WDR25: variants seen among roughly 807,000 people sequenced by gnomAD.
WDR25 encodes WD repeat-containing protein 25.
In WDR25, 35 loss-of-function variants were observed where a neutral mutation model predicts 47.7. The observed-to-expected ratio is 0.73, with a 90% CI of 0.56 to 0.97. WDR25 has a LOEUF of 0.97. WDR25 is among the 50% of genes least tolerant of loss of function. The pLI is 0.00. For synonymous variants in WDR25, 248 were observed against 278.9 expected (o/e 0.89, Z 1.10); for missense variants, 634 against 704.7 (o/e 0.90, Z 1.14).
intron 4 of WDR25, among the ~76,000 whole-genome samples, chr14:100,515,745 CA>C (rs1444305759): frequency 6.6e-6 from 1 of 151,174 alleles, no homozygotes; most frequent in East Asian, 1.9e-4. Context: ...TTTGCCTCAG[CA>C]TCCTTAGTAG....
At chr14:100,427,175 G>C (rs1445803591) in intron 2 of WDR25, among the ~76,000 whole-genome samples, 3 of 152,000 alleles carry the variant, frequency 2.0e-5, no homozygotes, top group Non-Finnish European at 4.4e-5. Flanking sequence ...GCCTTCACCT[G>C]TGCCTGTCCT....
intron 2 of WDR25, among the ~76,000 whole-genome samples, chr14:100,467,070 G>A (rs1899655096): frequency 6.6e-6 from 1 of 152,198 alleles, no homozygotes; most frequent in Non-Finnish European, 1.5e-5. Flanking sequence ...TTTCTCTCAT[G>A]AGCCTCATAC....
chr14:100,419,084 T>C (rs1010932272), intron 2 of WDR25, among the ~76,000 whole-genome samples: 1 of 151,978 alleles, frequency 6.6e-6, no homozygotes, highest in African/African-American at 2.4e-5. Flanking sequence ...TAGCTAGGTG[T>C]GGTGGTGCAC....
At chr14:100,477,534 C>T (rs1296804781) in intron 3 of WDR25, among the ~76,000 whole-genome samples, 1 of 151,886 alleles carries the variant, frequency 6.6e-6, no homozygotes, top group African/African-American at 2.4e-5. Context: ...AACAGCTAAC[C>T]ATTGCGCTGA....
At chr14:100,459,926 A>G (rs1186077687) in intron 2 of WDR25, among the ~76,000 whole-genome samples, 66 of 111,184 alleles carry the variant, frequency 5.9e-4, no homozygotes, top group Non-Finnish European at 2.6e-4. Flanking sequence ...ATATATATAT[A>G]TATATATATA....
chr14:100,466,198 T>G (rs1899623423), intron 2 of WDR25, among the ~76,000 whole-genome samples: 1 of 152,210 alleles, frequency 6.6e-6, no homozygotes, highest in Admixed American at 6.5e-5. Flanking sequence ...TTCTTGATTT[T>G]TTCAGTTTGA....
chr14:100,420,722 A>G (rs548694255), intron 2 of WDR25, among the ~76,000 whole-genome samples: 4 of 152,228 alleles, frequency 2.6e-5, no homozygotes, highest in Non-Finnish European at 5.9e-5. Context: ...TGTGGTGTTC[A>G]CCACTGTATT....
At chr14:100,437,524 C>T (rs1190698446) in intron 2 of WDR25, among the ~76,000 whole-genome samples, 1 of 152,166 alleles carries the variant, frequency 6.6e-6, no homozygotes, top group Non-Finnish European at 1.5e-5. Flanking sequence ...TAACTTCTGG[C>T]AGCCTTGATT....
rs756255565 is a variant in WDR25, at chr14:100,382,151, G to A, written c.822+405G>A. On this transcript the variant is annotated intron_variant, in intron 2 of 6. Transcript: ENST00000402312. ...GCTGGTTTCAAGGGCTGTTGGGAGA[G>A]GTAGGTAGACCCAGCCCCTGGTGTC... 2.6e-5 allele frequency: 18 copies of A among 702,964 alleles called. 1 individual carries two copies. The highest frequency in any genetic ancestry group is 4.2e-5 in the Non-Finnish European group (16 of 384,994). The allele number at this position is 702,964 out of a possible 1,614,324, so 43.5% of individuals were successfully genotyped here.
intron 4 of WDR25, among the ~76,000 whole-genome samples, chr14:100,514,923 G>A (rs1285801782): frequency 6.6e-6 from 1 of 151,774 alleles, no homozygotes; most frequent in Admixed American, 6.6e-5. Context: ...GCTTTTATTT[G>A]CCCAAAAAAA....
At position 100,465,726 on chromosome 14, in the gene WDR25, A is replaced by G. The variant is rs572499497; in HGVS notation, c.823-2295A>G. ...TCAGCTTTTTGGGCATTTACCCAGA[A>G]GTGGAATGGCTGGATCATGTCATAA... is the stretch of plus-strand genomic sequence containing the variant. On this transcript the variant is annotated intron_variant, in intron 2 of 6. Transcript: ENST00000402312. Among the ~76,000 whole-genome samples, 14 of 152,346 alleles carry G rather than the reference A, an allele frequency of 9.2e-5. No individual in the cohort carries two copies. The East Asian group carries it at 2.7e-3, about 29-fold the overall frequency.
At chr14:100,456,947 GTTTCT>G (rs201177372) in intron 2 of WDR25, among the ~76,000 whole-genome samples, 2 of 152,020 alleles carry the variant, frequency 1.3e-5, no homozygotes, top group Non-Finnish European at 2.9e-5. Flanking sequence ...TTATAATGAA[GTTTCT>G]TTTCTTTTCT....
chr14:100,401,307 C>A (rs1399391904), intron 2 of WDR25, among the ~76,000 whole-genome samples: 1 of 152,144 alleles, frequency 6.6e-6, no homozygotes, highest in Non-Finnish European at 1.5e-5. Context: ...CCACATCTAT[C>A]CCCCTTGCAC....
chr14:100,445,575 A>C (rs950661818), intron 2 of WDR25, among the ~76,000 whole-genome samples: 2 of 152,200 alleles, frequency 1.3e-5, no homozygotes, highest in African/African-American at 4.8e-5. Context: ...TGCTGCAGCC[A>C]TGTGACTCAG....
chr14:100,464,820 G>A (rs61990756), intron 2 of WDR25, among the ~76,000 whole-genome samples: 11 of 124,752 alleles, frequency 8.8e-5, no homozygotes, highest in African/African-American at 3.1e-4. Context: ...TACCCCATCT[G>A]CTCTCCCCTA....
rs2140401948 is a variant in WDR25, at chr14:100,529,839, G to T, written c.1433G>T (p.Gly478Val). The T allele has an allele frequency of 6.2e-7, 1 of 1,612,240 alleles. No individual in the cohort carries two copies. Among genetic ancestry groups the T allele is most frequent in the East Asian group, 2.2e-5 (1 of 44,896 alleles). ...EGHKVEGYSV[G>V]CECSPGGDLL... ...CTGCAGGTGGAGGGCTACTCAGTGG[G>T]CTGCGAGTGCTCCCCAGGCGGTGAC... The change falls in exon 7 of 7, where the codon GGC (glycine) becomes GTC (valine). Residue 478 changes from glycine to valine, a missense_variant. Physicochemically the swap from Gly to Val is moderately radical, Grantham distance 109. Coordinates refer to ENST00000402312, the MANE Select transcript of WDR25 (RefSeq NM_001161476.3). The surrounding 1 kb of genome is among the most constrained non-coding windows in gnomAD (Gnocchi z 5.1).
intron 3 of WDR25, among the ~76,000 whole-genome samples, chr14:100,470,486 T>C (rs1388137773): frequency 6.7e-5 from 9 of 134,828 alleles, no homozygotes; most frequent in Non-Finnish European, 1.1e-4. Context: ...TGCATGCAAT[T>C]GTATGTGTGG....
chr14:100,378,050 T>G (rs1896766092), intron 1 of WDR25, among the ~76,000 whole-genome samples: 1 of 152,328 alleles, frequency 6.6e-6, no homozygotes, highest in African/African-American at 2.4e-5. Context: ...CCTAGCACCC[T>G]TCTTTTTCTC....
At chr14:100,401,083 T>C (rs1399090349) in intron 2 of WDR25, among the ~76,000 whole-genome samples, 1 of 152,222 alleles carries the variant, frequency 6.6e-6, no homozygotes, top group African/African-American at 2.4e-5. Context: ...CAAGTAGAAG[T>C]AGTAATTTAA....
Sources: allele counts gnomAD v4.1 joint callset (sites outside exome capture counted in the v4.1 genomes callset), GRCh38; gene constraint gnomAD v4.1.1; non-coding constraint Gnocchi (gnomAD v3.1); transcripts MANE v1.5; gene names NCBI Gene and HGNC (gene_info 2026-07-23, HGNC 2026-07-21).